The following SLC25A48 variants were observed in gnomAD, a reference collection of about 807,000 sequenced individuals.
SLC25A48 encodes solute carrier family 25 member 48.
A neutral mutation model predicts 32.2 loss-of-function variants in SLC25A48; 29 were observed. The ratio of observed to expected loss-of-function variants is 0.90; its 90% CI spans 0.67 to 1.23. The LOEUF (loss-of-function observed/expected upper bound fraction) is 1.23, where lower values mean the gene tolerates loss of function less well. Ranked by LOEUF, SLC25A48 falls within the 50% of genes most tolerant of loss-of-function variation. SLC25A48 has a pLI of 0.00. For missense variants in SLC25A48, 399 were observed against 422.7 expected, an observed-to-expected ratio of 0.94 and a Z score of 0.49; for synonymous variants, 164 against 172.3, an observed-to-expected ratio of 0.95 and a Z score of 0.38.
At chr5:135,789,344 G>A (rs1013620568) in intron 3 of SLC25A48, among the ~76,000 whole-genome samples, 1 of 151,880 alleles carries the variant, frequency 6.6e-6, no homozygotes, top group Admixed American at 6.6e-5. Context: ...GTGGCGGGGG[G>A]TGTACAACTT....
chr5:135,674,872 G>T (rs1753732128), intron 3 of SLC25A48, among the ~76,000 whole-genome samples: 1 of 151,030 alleles, frequency 6.6e-6, no homozygotes, highest in South Asian at 2.1e-4. Flanking sequence ...ACCCAGTAAT[G>T]GGATTGCTGG....
chr5:135,878,833 G>T (rs1188418423), intron 6 of SLC25A48, among the ~76,000 whole-genome samples: 2 of 152,130 alleles, frequency 1.3e-5, no homozygotes, highest in Non-Finnish European at 2.9e-5. Flanking sequence ...CTTTTAGGTG[G>T]TCGTTTCTTA....
chr5:135,733,792 G>GT (rs542597320), intron 3 of SLC25A48, among the ~76,000 whole-genome samples: 1,529 of 152,158 alleles, frequency 0.01, 34 homozygotes, highest in African/African-American at 0.035. Flanking sequence ...TTTTAGGGCT[G>GT]TTTTTTAAGG....
At chr5:135,720,288 C>A (rs547521900) in intron 3 of SLC25A48, among the ~76,000 whole-genome samples, 1 of 152,158 alleles carries the variant, frequency 6.6e-6, no homozygotes, top group African/African-American at 2.4e-5. Context: ...GTTGCCAGGG[C>A]CCGGAAGGGT....
At chr5:135,669,085 C>T (rs1389998417) in intron 3 of SLC25A48, among the ~76,000 whole-genome samples, 4 of 152,210 alleles carry the variant, frequency 2.6e-5, no homozygotes, top group African/African-American at 9.7e-5. Context: ...CATGCACACA[C>T]ACACCACACC....
chr5:135,719,548 G>C (rs1044046530), intron 3 of SLC25A48, among the ~76,000 whole-genome samples: 32 of 152,168 alleles, frequency 2.1e-4, no homozygotes, highest in African/African-American at 7.5e-4. Context: ...GGGAGGGAAG[G>C]CACCCTCATG....
At chr5:135,769,605 C>T (rs1183114033) in intron 3 of SLC25A48, among the ~76,000 whole-genome samples, 1 of 151,580 alleles carries the variant, frequency 6.6e-6, no homozygotes, top group Non-Finnish European at 1.5e-5. Flanking sequence ...GGATGTACAA[C>T]CCCCTGTGAT....
chr5:135,863,571 G>A (rs1049455698), intron 4 of SLC25A48, among the ~76,000 whole-genome samples: 2 of 152,104 alleles, frequency 1.3e-5, no homozygotes, highest in African/African-American at 4.8e-5. Flanking sequence ...TAAAATTATC[G>A]AGCTCATACC....
In SLC25A48 at chr5:135,675,555, G is replaced by T. The variant is rs143537485; in HGVS notation, c.-521+40599G>T. On this transcript the variant is annotated intron_variant, in intron 3 of 10. Coordinates refer to the SLC25A48 transcript ENST00000646290. ...CTGGATTCTCAATTCTGTCCCATTG[G>T]TCTACATGTCTGTTTTTATACTAAT... 3.9e-3 allele frequency among the ~76,000 whole-genome samples: 590 copies of T among 152,020 alleles called. 3 individuals are homozygous for T. The highest frequency in any genetic ancestry group is 5.7e-3 in the Non-Finnish European group (387 of 67,826).
rs1247438796 is a variant in SLC25A48, at chr5:135,780,632, T to C, written c.-520-31891T>C. Reference sequence around the variant, plus strand: ...CCTCTGTGATATTGTTTCTAATATTTTGGGGGGGGAGGAGATGATATTATT... The same window carrying C: ...CCTCTGTGATATTGTTTCTAATATTCTGGGGGGGGAGGAGATGATATTATT... On this transcript the variant is annotated intron_variant, in intron 3 of 10. Coordinates refer to the SLC25A48 transcript ENST00000646290. Among the ~76,000 whole-genome samples, 2 of 114,958 alleles carry C rather than the reference T, an allele frequency of 1.7e-5. 1 individual carries two copies. Among genetic ancestry groups the C allele is most frequent in the Non-Finnish European group, 4.3e-5 (2 of 46,496 alleles). The allele number at this position is 114,958 out of a possible 152,430, so 75.4% of individuals were successfully genotyped here.
chr5:135,652,530 A>G, intron 3 of SLC25A48: 1 of 426,122 alleles, frequency 2.3e-6, no homozygotes, highest in South Asian at 1.7e-5. Context: ...TATATACCCC[A>G]TTAACTGGAA....
chr5:135,684,412 C>G (rs1753970387), intron 3 of SLC25A48, among the ~76,000 whole-genome samples: 1 of 152,048 alleles, frequency 6.6e-6, no homozygotes, highest in Non-Finnish European at 1.5e-5. Context: ...CCTTTGGGAT[C>G]AACATCTGCA....
At chr5:135,871,914 G>A (rs1761689100) in intron 5 of SLC25A48, 196 bp downstream of exon 5, 1 of 1,469,110 alleles carries the variant, frequency 6.8e-7, no homozygotes, top group Non-Finnish European at 9.0e-7. Context: ...ATGCAGCTAT[G>A]AGAATGGCAG....
chr5:135,834,778 G>C lies in SLC25A48; in HGVS notation c.-70G>C. ...TCGGTCTTGCGGCGCGCTCGCGCCC[G>C]CGGGCCATGCCCCACTGACTCTAAG... is the stretch of plus-strand genomic sequence containing the variant. On this transcript the variant is annotated 5_prime_UTR_variant, in exon 1 of 8. Coordinates refer to ENST00000681962, the MANE Select transcript of SLC25A48 (RefSeq NM_001349336.2). 2 of 1,463,852 alleles carry C rather than the reference G, an allele frequency of 1.4e-6. No homozygotes were observed. Among genetic ancestry groups the C allele is most frequent in the Non-Finnish European group, 1.8e-6 (2 of 1,097,158 alleles). 90.7% of individuals were successfully genotyped at this position (1,463,852 alleles called of 1,614,324 possible).
rs73791064 is a variant in SLC25A48 at position 135,723,244 on chromosome 5, G to A, written c.-521+88288G>A. On this transcript the variant is annotated intron_variant, in intron 3 of 10. Transcript: ENST00000646290. ...GCTTGAAGACAAAGCCCAACAATGG[G>A]TTTTCATTGGCGAATCAATTCACTA... Among the ~76,000 whole-genome samples, 1,482 of 152,268 alleles carry A rather than the reference G, an allele frequency of 9.7e-3. 32 individuals carry two copies. Among genetic ancestry groups the A allele is most frequent in the African/African-American group, 0.034 (1,395 of 41,548 alleles).
At chr5:135,708,545 C>A (rs540621367) in intron 3 of SLC25A48, among the ~76,000 whole-genome samples, 36 of 152,318 alleles carry the variant, frequency 2.4e-4, no homozygotes, top group Non-Finnish European at 4.0e-4. Flanking sequence ...TGCATTCATC[C>A]AAATTCTCTG....
chr5:135,710,882 A>ATT (rs5871577), intron 3 of SLC25A48, among the ~76,000 whole-genome samples: 2 of 152,228 alleles, frequency 1.3e-5, no homozygotes, highest in East Asian at 1.9e-4. Flanking sequence ...TCCTCGAAGT[A>ATT]TTTTTTTCTG....
chr5:135,672,370 A>G (rs953157856), intron 3 of SLC25A48, among the ~76,000 whole-genome samples: 2 of 152,220 alleles, frequency 1.3e-5, no homozygotes, highest in Admixed American at 6.5e-5. Flanking sequence ...TGCAGCTGTC[A>G]TCGGTGCCTG....
At chr5:135,714,896 G>C (rs1446823031) in intron 3 of SLC25A48, 1 of 152,398 alleles carries the variant, frequency 6.6e-6, no homozygotes, top group East Asian at 1.9e-4. Context: ...AGACCATTCT[G>C]TTCAGTGCCC....
Sources: gnomAD v4.1 joint callset for allele counts (sites outside exome capture counted in the v4.1 genomes callset) on GRCh38, gnomAD v4.1.1 for gene constraint, MANE v1.5 for transcripts, NCBI Gene and HGNC (gene_info 2026-07-23, HGNC 2026-07-21) for gene names.